The following ATXN7L1 variants were observed in gnomAD, a reference collection of about 807,000 sequenced individuals.
ATXN7L1 encodes ataxin-7-like protein 1.
A neutral mutation model predicts 70.8 loss-of-function variants in ATXN7L1; 15 were observed. That is an observed-to-expected ratio of 0.21 (90% CI 0.14 to 0.33). ATXN7L1 has a LOEUF of 0.33. ATXN7L1 is among the 10% of genes least tolerant of loss of function. The pLI is 1.00. For synonymous variants in ATXN7L1, 440 were observed against 445.1 expected (o/e 0.99, Z 0.14); for missense variants, 975 against 1,097.1 (o/e 0.89, Z 1.57).
At chr7:105,613,645 A>G in intron 10 of ATXN7L1, 1 of 1,420,704 alleles carries the variant, frequency 7.0e-7, no homozygotes, top group Non-Finnish European at 9.2e-7. Context: ...TAATAACCGT[A>G]AAGTGCCGAG....
At chr7:105,811,966 TCAGA>T (rs1486953269) in intron 2 of ATXN7L1, among the ~76,000 whole-genome samples, 1 of 152,178 alleles carries the variant, frequency 6.6e-6, no homozygotes, top group African/African-American at 2.4e-5. Flanking sequence ...TACCTTGTCT[TCAGA>T]CAAATTGTCT....
chr7:105,677,553 C>A (rs1804873457), intron 3 of ATXN7L1, among the ~76,000 whole-genome samples: 1 of 152,218 alleles, frequency 6.6e-6, no homozygotes, highest in Non-Finnish European at 1.5e-5. Context: ...CCCTCAAGAG[C>A]ACTCACTCTA....
chr7:105,608,487 G>C (rs1292668109), intron 11 of ATXN7L1, among the ~76,000 whole-genome samples: 3 of 152,182 alleles, frequency 2.0e-5, no homozygotes, highest in Non-Finnish European at 4.4e-5. Flanking sequence ...ATTTGTGTTT[G>C]TCAGGGCTGA....
intron 3 of ATXN7L1, among the ~76,000 whole-genome samples, chr7:105,783,093 T>C (rs1331233998): frequency 6.6e-6 from 1 of 152,196 alleles, no homozygotes. Flanking sequence ...CATCCTTATT[T>C]TATAGACGAG....
intron 3 of ATXN7L1, among the ~76,000 whole-genome samples, chr7:105,752,966 C>G (rs1337126755): frequency 6.6e-6 from 1 of 152,208 alleles, no homozygotes; most frequent in Non-Finnish European, 1.5e-5. Flanking sequence ...GAATTGAAGA[C>G]TCAGAAGTTT....
intron 2 of ATXN7L1, among the ~76,000 whole-genome samples, chr7:105,860,128 A>AATATATATATATATATATAT (rs1470485018): frequency 1.4e-5 from 1 of 70,820 alleles, no homozygotes; most frequent in Non-Finnish European, 2.7e-5. Flanking sequence ...TTTATATGTA[A>AATATATATATATATATATAT]ATATATATAT....
chr7:105,675,739 C>T (rs1804542053), intron 3 of ATXN7L1, among the ~76,000 whole-genome samples: 2 of 151,964 alleles, frequency 1.3e-5, no homozygotes, highest in South Asian at 4.1e-4. Context: ...TAAGTTCATC[C>T]AAGAAGATAA....
At chr7:105,714,806 G>A (rs745810566) in intron 3 of ATXN7L1, among the ~76,000 whole-genome samples, 1 of 152,164 alleles carries the variant, frequency 6.6e-6, no homozygotes, top group Non-Finnish European at 1.5e-5. Context: ...GGGATTACAG[G>A]TGCCCACCAG....
Position 105,750,631 on chromosome 7 carries a change from G to A in ATXN7L1, c.355+37973C>T, listed in dbSNP as rs575098593. On this transcript the variant is annotated intron_variant, in intron 3 of 11. Coordinates refer to ENST00000419735, the MANE Select transcript of ATXN7L1 (RefSeq NM_020725.2). ...AGCCTGACCAACATGGTGAAACCCCGTCTCTACTAAAAAATACAAAAATTA... is the reference window on the plus strand; with the variant it reads ...AGCCTGACCAACATGGTGAAACCCCATCTCTACTAAAAAATACAAAAATTA... Among the ~76,000 whole-genome samples the A allele has an allele frequency of 7.9e-5, 12 of 152,116 alleles. 1 individual carries two copies. The highest frequency in any genetic ancestry group is 3.9e-4 in the East Asian group (2 of 5,162).
At chr7:105,731,715 G>A (rs562645435) in intron 3 of ATXN7L1, among the ~76,000 whole-genome samples, 2 of 88,796 alleles carry the variant, frequency 2.3e-5, no homozygotes, top group Non-Finnish European at 4.2e-5. Context: ...GATTATAGGC[G>A]TGAGCCACTG....
At chr7:105,756,163 C>T (rs1284056366) in intron 3 of ATXN7L1, among the ~76,000 whole-genome samples, 1 of 152,144 alleles carries the variant, frequency 6.6e-6, no homozygotes, top group African/African-American at 2.4e-5. Context: ...TCTTGCTGTC[C>T]AATCTGCAGT....
At chr7:105,654,990 C>G (rs943490301) in intron 4 of ATXN7L1, among the ~76,000 whole-genome samples, 1 of 151,896 alleles carries the variant, frequency 6.6e-6, no homozygotes, top group East Asian at 1.9e-4. Context: ...GCGATCTGCC[C>G]GCTTCAGTCT....
chr7:105,610,553 T>C lies in ATXN7L1; in HGVS notation c.2523A>G (p.Ile841Met). ...LALSQSSPSS[I>M]SSPGHSRQNT... ...CCTGTCGGCTGTGTCCTGGGCTGGATATACTTGAAGGACTGGATTGTGACA... is the reference window on the plus strand; with the variant it reads ...CCTGTCGGCTGTGTCCTGGGCTGGACATACTTGAAGGACTGGATTGTGACA... Residue 841 changes from isoleucine (I) to methionine (M), a missense_variant, in exon 11 of 12, where the codon ATA (isoleucine) becomes ATG (methionine). Transcript: ENST00000419735. 6.5e-7 allele frequency: 1 copy of C among 1,548,490 alleles called. No homozygotes were observed. The highest frequency in any genetic ancestry group is 8.7e-7 in the Non-Finnish European group (1 of 1,145,368).
At chr7:105,819,767 A>G in intron 2 of ATXN7L1, 1 of 711,622 alleles carries the variant, frequency 1.4e-6, no homozygotes, top group South Asian at 1.4e-5. Flanking sequence ...CACAAGACAA[A>G]GCAAGGCCGG....
At chr7:105,818,176 AT>A (rs940890307) in intron 2 of ATXN7L1, among the ~76,000 whole-genome samples, 4 of 151,730 alleles carry the variant, frequency 2.6e-5, no homozygotes, top group African/African-American at 4.8e-5. Context: ...TTAAAAAAAA[AT>A]TTTTTTTTGA....
At position 105,876,525 on chromosome 7, in the gene ATXN7L1, A is replaced by C. The variant is rs759051291; in HGVS notation, c.34T>G (p.Ser12Ala). 1 of 1,606,292 alleles carries C rather than the reference A, an allele frequency of 6.2e-7. No homozygotes were observed. Among genetic ancestry groups the C allele is most frequent in the Admixed American group, 1.7e-5 (1 of 59,598 alleles). Residue 12 changes from serine to alanine, a missense_variant, in exon 1 of 12, where the codon TCG becomes GCG. Around this residue, in one of 5 missense-constraint regions of ATXN7L1, gnomAD observed 135 missense variants for 132.6 expected, o/e 1.02. Transcript: ENST00000419735. The stretch of plus-strand genomic sequence containing the variant: ...CCTGTTCCTTCGGCAGCAGCAGCCG[A>C]GAGACACGGGATTCGAGAACGCTCC... ...TSERSRIPCLSAAAAEGTGKK... is the reference protein window; with the variant it reads ...TSERSRIPCLAAAAAEGTGKK...
intron 3 of ATXN7L1, among the ~76,000 whole-genome samples, chr7:105,768,789 T>A (rs1342292201): frequency 6.6e-6 from 1 of 152,230 alleles, no homozygotes; most frequent in Non-Finnish European, 1.5e-5. Context: ...AAACTGGTTT[T>A]CAAATAGTTA....
intron 3 of ATXN7L1, among the ~76,000 whole-genome samples, chr7:105,702,047 A>G (rs1204916798): frequency 2.0e-5 from 3 of 152,222 alleles, no homozygotes; most frequent in Non-Finnish European, 4.4e-5. Context: ...AAAAGCTCAC[A>G]TGACCTATAT....
chr7:105,845,415 C>G (rs1365462628), intron 2 of ATXN7L1, among the ~76,000 whole-genome samples: 1 of 151,538 alleles, frequency 6.6e-6, no homozygotes, highest in South Asian at 2.1e-4. Context: ...AAATACAAAG[C>G]CTTCCCATGT....
Sources: gnomAD v4.1 joint callset for allele counts (sites outside exome capture counted in the v4.1 genomes callset) on GRCh38, gnomAD v4.1.1 for gene constraint, gnomAD v4.1.1 regional missense constraint, MANE v1.5 for transcripts, NCBI Gene and HGNC (gene_info 2026-07-23, HGNC 2026-07-21) for gene names.